Variants in USP20 observed in about 807,000 individuals in gnomAD.
The protein encoded by USP20 is ubiquitin carboxyl-terminal hydrolase 20.
Under a neutral mutation model 124.2 loss-of-function variants are expected in USP20, and 80 were observed. That is an observed-to-expected ratio of 0.64 (90% CI 0.54 to 0.78). USP20 has a LOEUF of 0.78. USP20 is among the 30% of genes least tolerant of loss of function. The pLI is 0.00. For missense variants in USP20, 1,043 were observed against 1,244.4 expected (o/e 0.84, Z 2.44); for synonymous variants, 481 against 512.3 (o/e 0.94, Z 0.83).
At chr9:129,856,459 T>G (rs2033224299) in intron 4 of USP20, 99 bp downstream of exon 4, 2 of 1,416,616 alleles carry the variant, frequency 1.4e-6, no homozygotes, top group Middle Eastern at 1.8e-4. Context: ...GGCTGGGAAC[T>G]TCCATCCCTA....
At chr9:129,876,697 C>T (rs1163509698) in intron 22 of USP20, among the ~76,000 whole-genome samples, 1 of 151,394 alleles carries the variant, frequency 6.6e-6, no homozygotes, top group Non-Finnish European at 1.5e-5. Flanking sequence ...ACTAGATGGC[C>T]AGGTGTCTAG....
At chr9:129,858,027 A>T in intron 4 of USP20, 23 bp from the exon 5 acceptor site, 1 of 1,610,136 alleles carries the variant, frequency 6.2e-7, no homozygotes, top group Non-Finnish European at 8.5e-7. Flanking sequence ...GCTCCAGTCC[A>T]CTCTCCTTCC....
rs202062563 is a variant in USP20 at position 129,880,181 on chromosome 9, G to A, written c.2653G>A (p.Glu885Lys). Residue 885 changes from glutamate to lysine, a missense_variant, in exon 25 of 26, where the codon GAG becomes AAG. By Grantham distance (56) the Glu-to-Lys change is moderately conservative. Transcript: ENST00000372429. ...YLNSLYGGGP[E>K]IAIRQSVAQP... ...GAACAGCCTGTATGGAGGTGGCCCC[G>A]AGATTGCCATCCGCCAGAGTGTGGC... is the stretch of plus-strand genomic sequence containing the variant. 594 of 1,613,904 alleles carry A rather than the reference G, an allele frequency of 3.7e-4. No individual in the cohort carries two copies. Among genetic ancestry groups the A allele is most frequent in the Non-Finnish European group, 4.4e-4 (517 of 1,180,022 alleles).
At position 129,849,053 on chromosome 9, in the gene USP20, T is replaced by G. The variant is rs192530729; in HGVS notation, c.-128-760T>G. Among the ~76,000 whole-genome samples the G allele has an allele frequency of 3.9e-5, 6 of 152,296 alleles. No individual in the cohort carries two copies. The East Asian group carries it at 7.7e-4, about 20-fold the overall frequency. Reference sequence around the variant, plus strand: ...CTGAACACTTGAGGGTCGGGGGTTCTCAGGAAATCCCTGAGAGCTCAAAGG... The same window carrying G: ...CTGAACACTTGAGGGTCGGGGGTTCGCAGGAAATCCCTGAGAGCTCAAAGG... On this transcript the variant is annotated intron_variant, in intron 1 of 25. Transcript: ENST00000372429.
Position 129,865,982 on chromosome 9 carries a change from C to G in USP20, c.690+601C>G, listed in dbSNP as rs117963783. ...AAATTTTTTTTAAATCTAGAGAACC[C>G]TTTTGAAACCAATCACATTTTTCTA... is the stretch of plus-strand genomic sequence containing the variant. On this transcript the variant is annotated intron_variant, in intron 10 of 25. Coordinates refer to ENST00000372429, the MANE Select transcript of USP20 (RefSeq NM_001110303.4). Among the ~76,000 whole-genome samples, 699 of 152,294 alleles carry G rather than the reference C, an allele frequency of 4.6e-3. 6 individuals carry two copies. The highest frequency in any genetic ancestry group is 0.01 in the Middle Eastern group (3 of 294).
At chr9:129,873,784 C>T (rs372677357) in intron 17 of USP20, 40 bp downstream of exon 17, 233 of 1,604,930 alleles carry the variant, frequency 1.5e-4, no homozygotes, top group Non-Finnish European at 1.9e-4. Context: ...TCAGCTATCT[C>T]GGGATGCACA....
In USP20 at chr9:129,873,756, GCCT is replaced by G. The variant is rs2034250994; in HGVS notation, c.1740+14_1740+16del. 1 of 1,609,438 alleles carries G rather than the reference GCCT, an allele frequency of 6.2e-7. No homozygotes were observed. The highest frequency in any genetic ancestry group is 2.2e-5 in the East Asian group (1 of 44,884). On this transcript the variant is annotated intron_variant, in intron 17 of 25. Transcript: ENST00000372429. ...TGCGGTTGCCCGAGGTGAGCCAGTG[GCCT>G]CGGCAGCCTCCTCCTCAGCTATCTC...
intron 10 of USP20, among the ~76,000 whole-genome samples, chr9:129,867,109 C>T (rs1442838329): frequency 6.6e-6 from 1 of 152,190 alleles, no homozygotes; most frequent in East Asian, 1.9e-4. Context: ...TTCTAACAAC[C>T]AGGTCAGGGA....
chr9:129,844,618 T>G (rs1342647003), intron 1 of USP20, among the ~76,000 whole-genome samples: 3 of 118,534 alleles, frequency 2.5e-5, no homozygotes, highest in African/African-American at 9.8e-5. Flanking sequence ...AGCGCGACTC[T>G]GTCTCAAAAA....
At chr9:129,873,303 C>G (rs1263020342) in intron 15 of USP20, among the ~76,000 whole-genome samples, 179 bp from the exon 16 acceptor site, 1 of 151,960 alleles carries the variant, frequency 6.6e-6, no homozygotes, top group Non-Finnish European at 1.5e-5. Flanking sequence ...AGGCTGGCCT[C>G]GAACTCCTGA....
chr9:129,845,947 C>CA (rs1294934845), intron 1 of USP20, among the ~76,000 whole-genome samples: 2 of 151,074 alleles, frequency 1.3e-5, no homozygotes, highest in East Asian at 3.9e-4. Flanking sequence ...TTTTTTGAGA[C>CA]AGAGTCTCGC....
At chr9:129,854,977 G>A (rs113596908) in intron 3 of USP20, among the ~76,000 whole-genome samples, 2 of 152,318 alleles carry the variant, frequency 1.3e-5, no homozygotes, top group African/African-American at 4.8e-5. Flanking sequence ...TGAGAGGTTT[G>A]TGACCTTGCT....
At chr9:129,860,907 T>A (rs1346143284) in intron 6 of USP20, 30 bp from the exon 7 acceptor site, 4 of 1,609,626 alleles carry the variant, frequency 2.5e-6, no homozygotes, top group Non-Finnish European at 2.6e-6. Context: ...CTCTGTTCAC[T>A]GTTTTCCTCA....
chr9:129,839,080 G>A lies in USP20; in HGVS notation c.-129+3581G>A, dbSNP rs370442107. The stretch of plus-strand genomic sequence containing the variant: ...AGGTCGTCCCCATGCCAGGCTGGCC[G>A]GGGCTGTTTGTGACATCGTGGAGCT... On this transcript the variant is annotated intron_variant, in intron 1 of 25. Coordinates refer to ENST00000372429, the MANE Select transcript of USP20 (RefSeq NM_001110303.4). The surrounding 1 kb of genome is among the most constrained non-coding windows in gnomAD (Gnocchi z 4.5). Among the ~76,000 whole-genome samples, 1 of 152,166 alleles carries A rather than the reference G, an allele frequency of 6.6e-6. No homozygotes were observed. The highest frequency in any genetic ancestry group is 1.5e-5 in the Non-Finnish European group (1 of 68,034).
rs768001657 is a variant in USP20 at position 129,868,455 on chromosome 9, A to C, written c.1135+6A>C. 3.7e-6 allele frequency: 6 copies of C among 1,608,146 alleles called. No homozygotes were observed. The Admixed American group carries it at 1.0e-4, about 27-fold the overall frequency. ...CAGCCCCTGCCGGACGCCAGGTATC[A>C]GCTGGCCGGGGACTGCGGGAGGAAC... On this transcript the variant is annotated splice_donor_region_variant and intron_variant, in intron 11 of 25. Transcript: ENST00000372429.
intron 19 of USP20, 56 bp from the exon 20 acceptor site, chr9:129,875,254 G>A (rs1020669029): frequency 7.2e-6 from 11 of 1,520,084 alleles, no homozygotes; most frequent in African/African-American, 6.8e-5. Flanking sequence ...GGCTCTGCAT[G>A]TGTCTGAAGG....
chr9:129,857,070 C>T (rs190439310), intron 4 of USP20, among the ~76,000 whole-genome samples: 59 of 151,490 alleles, frequency 3.9e-4, no homozygotes, highest in African/African-American at 1.4e-3. Flanking sequence ...AAAAAAAACC[C>T]ACGAGTAAAA....
At chr9:129,869,211 C>CG in intron 12 of USP20, 99 bp from the exon 13 acceptor site, 1 of 1,345,556 alleles carries the variant, frequency 7.4e-7, no homozygotes, top group Non-Finnish European at 1.0e-6. Context: ...ATGTGACTCA[C>CG]GGATGTCACT....
chr9:129,869,451 C>G, intron 13 of USP20, 26 bp downstream of exon 13: 2 of 1,606,102 alleles, frequency 1.2e-6, no homozygotes, highest in Non-Finnish European at 1.7e-6. Context: ...ATGGGGGGAG[C>G]TGGGCCAGGC....
Sources: allele counts gnomAD v4.1 joint callset (sites outside exome capture counted in the v4.1 genomes callset), GRCh38; gene constraint gnomAD v4.1.1; non-coding constraint Gnocchi (gnomAD v3.1); transcripts MANE v1.5; gene names NCBI Gene and HGNC (gene_info 2026-07-23, HGNC 2026-07-21).